MAPKBP1: variants seen among roughly 807,000 people sequenced by gnomAD.
The protein encoded by MAPKBP1 is mitogen-activated protein kinase-binding protein 1.
Under a neutral mutation model 170.5 loss-of-function variants are expected in MAPKBP1, and 71 were observed. The observed-to-expected ratio is 0.42, with a 90% CI of 0.34 to 0.51. The LOEUF (loss-of-function observed/expected upper bound fraction) is 0.51. Among genes scored for constraint, MAPKBP1 ranks in the 20% least tolerant of loss-of-function variants. The pLI is 0.06. For missense variants in MAPKBP1, 1,598 were observed against 1,933.0 expected (o/e 0.83, Z 3.25); for synonymous variants, 719 against 757.9 (o/e 0.95, Z 0.84).
Position 41,785,455 on chromosome 15 carries a change from G to A in MAPKBP1, c.114+10066G>A, listed in dbSNP as rs1246125690. Among the ~76,000 whole-genome samples, 5 of 152,130 alleles carry A rather than the reference G, an allele frequency of 3.3e-5. No individual in the cohort carries two copies. The East Asian group carries it at 9.6e-4, about 29-fold the overall frequency. On this transcript the variant is annotated intron_variant, in intron 2 of 30. Coordinates refer to ENST00000457542, the MANE Select transcript of MAPKBP1 (RefSeq NM_014994.3). ...CAAACCAGTGAACTCCAGGAGTAGA[G>A]GGGAGTCCTAATTTTTTCTTTATCT...
Position 41,823,208 on chromosome 15 carries a change from G to T in MAPKBP1, c.3584G>T (p.Ser1195Ile). The T allele has an allele frequency of 6.2e-7, 1 of 1,613,262 alleles. No homozygotes were observed. The highest frequency in any genetic ancestry group is 8.5e-7 in the Non-Finnish European group (1 of 1,179,784). The part of the protein sequence containing the change: ...SGLQKAQSVH[S>I]LVPQERHEAS... ...CTCCAGAAGGCCCAGTCTGTGCACA[G>T]TCTGGTGCCACAGGGTGAGAAGCCT... is the stretch of plus-strand genomic sequence containing the variant. Residue 1195 changes from serine to isoleucine, a missense_variant, in exon 28 of 31, where the codon AGT becomes ATT. Physicochemically the swap from Ser to Ile is moderately radical, Grantham distance 142. Around this residue, in one of 6 missense-constraint regions of MAPKBP1, gnomAD observed 942 missense variants for 953.2 expected, o/e 0.99. Coordinates refer to ENST00000457542, the MANE Select transcript of MAPKBP1 (RefSeq NM_014994.3).
intron 3 of MAPKBP1, among the ~76,000 whole-genome samples, chr15:41,807,298 G>C (rs1483385540): frequency 1.3e-5 from 2 of 152,200 alleles, no homozygotes; most frequent in African/African-American, 4.8e-5. Context: ...AGAGGATATT[G>C]TGTCCCAGGA....
chr15:41,795,898 C>A (rs1253424779), intron 2 of MAPKBP1, among the ~76,000 whole-genome samples: 1 of 152,184 alleles, frequency 6.6e-6, no homozygotes, highest in African/African-American at 2.4e-5. Flanking sequence ...CGTGAGCCAC[C>A]ACACCCGGCC....
Position 41,815,757 on chromosome 15 carries a change from A to C in MAPKBP1, c.1451A>C (p.Asn484Thr). 1.2e-6 allele frequency: 2 copies of C among 1,614,168 alleles called. No homozygotes were observed. The highest frequency in any genetic ancestry group is 1.7e-6 in the Non-Finnish European group (2 of 1,180,020). ...ATCCGCTCGGTGTGTGTCAGCCCCA[A>C]TGGACAGCATCTAGCATCAGGGGAC... ...VGIRSVCVSP[N>T]GQHLASGDRM... The change falls in exon 12 of 31, where the codon AAT becomes ACT. Residue 484 changes from asparagine (N) to threonine (T), a missense_variant. Physicochemically the swap from Asn to Thr is moderately conservative, Grantham distance 65. Transcript: ENST00000457542.
intron 8 of MAPKBP1, 114 bp downstream of exon 8, chr15:41,813,215 G>A: frequency 6.6e-7 from 1 of 1,522,224 alleles, no homozygotes; most frequent in Non-Finnish European, 9.0e-7. Flanking sequence ...GAGATCCCAG[G>A]AGAACGAAGC....
intron 3 of MAPKBP1, among the ~76,000 whole-genome samples, chr15:41,803,649 A>G (rs2064640480): frequency 6.6e-6 from 1 of 151,452 alleles, no homozygotes; most frequent in African/African-American, 2.4e-5. Context: ...CAGGAGGTGA[A>G]GGCTGCAGTG....
chr15:41,796,840 C>G (rs919969403), intron 2 of MAPKBP1, among the ~76,000 whole-genome samples: 1 of 152,098 alleles, frequency 6.6e-6, no homozygotes, highest in Admixed American at 6.6e-5. Context: ...GCAGGGTTTC[C>G]CAAACTAGAG....
Position 41,815,277 on chromosome 15 carries a change from G to A in MAPKBP1, c.1189G>A (p.Asp397Asn). The A allele has an allele frequency of 6.2e-7, 1 of 1,614,210 alleles. No individual in the cohort carries two copies. The highest frequency in any genetic ancestry group is 1.3e-5 in the African/African-American group (1 of 75,042). ...TCTTCAGGTCTACCCCGAGGTGAAG[G>A]ATAGTAACCAGGCCTGCCTGCCCCC... The part of the protein sequence containing the change: ...WSVEVYPEVK[D>N]SNQACLPPSS... The change falls in exon 11 of 31, where the codon GAT (aspartate) becomes AAT (asparagine). Residue 397 changes from aspartate to asparagine, a missense_variant. By Grantham distance (23) the Asp-to-Asn change is conservative (BLOSUM62 1). Transcript: ENST00000457542.
Position 41,825,741 on chromosome 15 carries a change from T to C in MAPKBP1, c.*305T>C. 3.2e-6 allele frequency: 1 copy of C among 316,146 alleles called. No homozygotes were observed. Among genetic ancestry groups the C allele is most frequent in the Non-Finnish European group, 5.9e-6 (1 of 169,912 alleles). 19.6% of individuals were successfully genotyped at this position (316,146 alleles called of 1,614,324 possible). Reference sequence around the variant, plus strand: ...GGGCAGCCTGCCCCATCTAGGAATCTGGGAAGGGCTGGCCCTCTCTTAGAA... The same window carrying C: ...GGGCAGCCTGCCCCATCTAGGAATCCGGGAAGGGCTGGCCCTCTCTTAGAA... On this transcript the variant is annotated 3_prime_UTR_variant, in exon 31 of 31. Transcript: ENST00000457542.
At chr15:41,806,416 T>G (rs1596081621) in intron 3 of MAPKBP1, among the ~76,000 whole-genome samples, 1 of 152,216 alleles carries the variant, frequency 6.6e-6, no homozygotes, top group East Asian at 1.9e-4. Flanking sequence ...TGTGTCCTGC[T>G]CCCTGTGTCT....
At position 41,820,832 on chromosome 15, in the gene MAPKBP1, G is replaced by A. The variant is rs750832287; in HGVS notation, c.2482G>A (p.Ala828Thr). ...RSLSHWEMSR[A>T]QESVGFLDPA... Reference sequence around the variant, plus strand: ...TCCCCCACCCCCTACCTCCCACCAGGCACAGGAGTCCGTGGGGTTCCTGGA... The same window carrying A: ...TCCCCCACCCCCTACCTCCCACCAGACACAGGAGTCCGTGGGGTTCCTGGA... The change falls in exon 23 of 31, where the codon GCA (alanine) becomes ACA (threonine). Residue 828 changes from alanine to threonine, a missense_variant and splice_region_variant. Physicochemically the swap from Ala to Thr is moderately conservative, Grantham distance 58 (BLOSUM62 0). Coordinates refer to ENST00000457542, the MANE Select transcript of MAPKBP1 (RefSeq NM_014994.3). 2 of 1,612,622 alleles carry A rather than the reference G, an allele frequency of 1.2e-6. No individual in the cohort carries two copies. Among genetic ancestry groups the A allele is most frequent in the Non-Finnish European group, 1.7e-6 (2 of 1,179,016 alleles).
intron 3 of MAPKBP1, among the ~76,000 whole-genome samples, chr15:41,805,668 C>T (rs1025420844): frequency 1.3e-5 from 2 of 152,214 alleles, no homozygotes; most frequent in African/African-American, 4.8e-5. Context: ...ATTCTGAGAT[C>T]CTCAGCTTTG....
chr15:41,808,589 C>G (rs937293726), intron 3 of MAPKBP1, among the ~76,000 whole-genome samples: 2 of 151,526 alleles, frequency 1.3e-5, no homozygotes, highest in African/African-American at 4.9e-5. Flanking sequence ...AATTCTCCTG[C>G]CTCAGCCTCC....
At chr15:41,821,159 A>G in intron 23 of MAPKBP1, 91 bp downstream of exon 23, 2 of 1,206,424 alleles carry the variant, frequency 1.7e-6, no homozygotes, top group Non-Finnish European at 2.4e-6. Context: ...TGGTCCAGCT[A>G]TGCTTGCTCT....
In MAPKBP1 at chr15:41,817,171, G is replaced by A. The variant is rs367720695; in HGVS notation, c.1711+136G>A. 46 of 1,402,576 alleles carry A rather than the reference G, an allele frequency of 3.3e-5. No individual in the cohort carries two copies. Among genetic ancestry groups the A allele is most frequent in the Admixed American group, 4.8e-5 (2 of 41,852 alleles). 86.9% of individuals were successfully genotyped at this position (1,402,576 alleles called of 1,614,324 possible). On this transcript the variant is annotated intron_variant, in intron 14 of 30. Coordinates refer to ENST00000457542, the MANE Select transcript of MAPKBP1 (RefSeq NM_014994.3). The surrounding 1 kb of genome is among the most constrained non-coding windows in gnomAD (Gnocchi z 4.2). ...TGGGAGGCCTGGAGCTGGTTGGGAA[G>A]ATAGGTGGAACAGAGACTCTCAGTG...
intron 2 of MAPKBP1, among the ~76,000 whole-genome samples, chr15:41,791,279 G>A (rs1453852876): frequency 6.6e-6 from 1 of 152,164 alleles, no homozygotes; most frequent in Non-Finnish European, 1.5e-5. Flanking sequence ...ACAGTTGCTG[G>A]GGTTTCTTTA....
chr15:41,819,557 G>GGGGGGCCCCCCCCCCCCCCCCCCC, intron 21 of MAPKBP1, 38 bp from the exon 22 acceptor site: 1 of 1,384,688 alleles, frequency 7.2e-7, no homozygotes. Flanking sequence ...CGGGGGGGGG[G>GGGGGGCCCCCCCCCCCCCCCCCCC]CAGGAGACAC....
At chr15:41,796,127 G>C (rs531491326) in intron 2 of MAPKBP1, among the ~76,000 whole-genome samples, 2 of 152,332 alleles carry the variant, frequency 1.3e-5, no homozygotes, top group South Asian at 4.1e-4. Flanking sequence ...GATTTCCATG[G>C]TGTAAGTCGT....
intron 3 of MAPKBP1, among the ~76,000 whole-genome samples, chr15:41,802,756 G>A (rs1168629088): frequency 1.3e-5 from 2 of 152,240 alleles, no homozygotes; most frequent in East Asian, 1.9e-4. Flanking sequence ...TTACAGGCAT[G>A]AGCTACTGTG....
Sources: allele counts gnomAD v4.1 joint callset (sites outside exome capture counted in the v4.1 genomes callset), GRCh38; gene constraint gnomAD v4.1.1; regional missense constraint gnomAD v4.1.1; non-coding constraint Gnocchi (gnomAD v3.1); transcripts MANE v1.5; gene names NCBI Gene and HGNC (gene_info 2026-07-23, HGNC 2026-07-21).